Variants in CD96 observed in about 807,000 individuals in gnomAD.
The protein encoded by CD96 is CD96 molecule, also known as T-cell surface protein tactile.
CD96 carries 70 observed loss-of-function variants against 71.3 expected under a neutral mutation model. The ratio of observed to expected loss-of-function variants is 0.98; its 90% CI spans 0.81 to 1.20. The LOEUF is 1.20. CD96 is among the 50% of genes most tolerant of loss of function. The probability of loss-of-function intolerance (pLI) is 0.00; values close to 1 mark genes in which losing one functional copy is unlikely to be tolerated. For missense variants in CD96, 742 were observed against 677.5 expected (o/e 1.10, Z -1.06); for synonymous variants, 248 against 233.0 (o/e 1.06, Z -0.59).
chr3:111,557,272 T>C, intron 2 of CD96, among the ~76,000 whole-genome samples: 2 of 117,496 alleles, frequency 1.7e-5, no homozygotes, highest in South Asian at 2.6e-4. Flanking sequence ...AGACATGAAG[T>C]CCTTGCCCAT....
intron 14 of CD96, among the ~76,000 whole-genome samples, chr3:111,662,119 G>C (rs1940373477): frequency 6.6e-6 from 1 of 152,202 alleles, no homozygotes. Flanking sequence ...CCAAGGCTTG[G>C]GCTTGCACCC....
chr3:111,563,193 C>T (rs897298917), intron 2 of CD96, among the ~76,000 whole-genome samples: 6 of 152,218 alleles, frequency 3.9e-5, no homozygotes, highest in Non-Finnish European at 5.9e-5. Context: ...GACACAATGG[C>T]AACCAAATTT....
intron 10 of CD96, chr3:111,633,548 G>A (rs998208719): frequency 6.6e-6 from 1 of 152,232 alleles, no homozygotes; most frequent in African/African-American, 2.4e-5. Flanking sequence ...ATCTGTGTCT[G>A]TGATACAGAT....
At chr3:111,596,960 G>A (rs1450864233) in intron 5 of CD96, among the ~76,000 whole-genome samples, 1 of 152,196 alleles carries the variant, frequency 6.6e-6, no homozygotes, top group African/African-American at 2.4e-5. Flanking sequence ...CTGTAGCAAT[G>A]TACTGAGAAA....
intron 8 of CD96, among the ~76,000 whole-genome samples, chr3:111,607,718 G>C (rs888662020): frequency 6.6e-6 from 1 of 152,192 alleles, no homozygotes; most frequent in Non-Finnish European, 1.5e-5. Flanking sequence ...CGCTGTCACA[G>C]GTTGATACTT....
intron 6 of CD96, among the ~76,000 whole-genome samples, chr3:111,599,501 C>T (rs938710740): frequency 2.6e-5 from 4 of 152,056 alleles, no homozygotes; most frequent in Non-Finnish European, 4.4e-5. Context: ...GTGTGGATTA[C>T]CTGAGGTTAG....
At chr3:111,617,206 G>A (rs373124730) in intron 8 of CD96, among the ~76,000 whole-genome samples, 1 of 152,244 alleles carries the variant, frequency 6.6e-6, no homozygotes, top group Non-Finnish European at 1.5e-5. Flanking sequence ...GCTATGGAAG[G>A]CATGATGACA....
At chr3:111,622,692 T>C (rs879376320) in intron 8 of CD96, among the ~76,000 whole-genome samples, 2 of 152,230 alleles carry the variant, frequency 1.3e-5, no homozygotes, top group Non-Finnish European at 2.9e-5. Context: ...CATACTGTAA[T>C]GATATTTTAT....
At chr3:111,544,275 G>T (rs1934267279) in intron 1 of CD96, among the ~76,000 whole-genome samples, 1 of 152,124 alleles carries the variant, frequency 6.6e-6, no homozygotes, top group Non-Finnish European at 1.5e-5. Context: ...CTCCCAAGTA[G>T]CTGGGACTAC....
At chr3:111,584,498 A>G (rs961762269) in intron 4 of CD96, among the ~76,000 whole-genome samples, 3 of 152,214 alleles carry the variant, frequency 2.0e-5, no homozygotes, top group Non-Finnish European at 4.4e-5. Context: ...CACACTGCTG[A>G]TAAAGACATA....
chr3:111,656,797 A>G (rs1940240639), downstream of CD96, among the ~76,000 whole-genome samples: 1 of 152,176 alleles, frequency 6.6e-6, no homozygotes, highest in South Asian at 2.1e-4. Context: ...AGAAAGAAGG[A>G]AAAATTAAAA....
chr3:111,593,626 C>T, intron 5 of CD96: 2 of 1,594,920 alleles, frequency 1.3e-6, no homozygotes, highest in South Asian at 2.3e-5. Flanking sequence ...TCACCTTCCA[C>T]TTCATCTCCA....
intron 14 of CD96, among the ~76,000 whole-genome samples, chr3:111,658,520 T>C (rs1012531336): frequency 6.6e-6 from 1 of 152,234 alleles, no homozygotes; most frequent in African/African-American, 2.4e-5. Flanking sequence ...TGAGGAAATT[T>C]TGATGAAGAT....
chr3:111,578,156 G>C (rs565973485), intron 3 of CD96, among the ~76,000 whole-genome samples: 1 of 152,092 alleles, frequency 6.6e-6, no homozygotes, highest in African/African-American at 2.4e-5. Context: ...CCTTGTGCCC[G>C]TCAAGAATCC....
chr3:111,606,308 A>C (rs1937622968), intron 7 of CD96, among the ~76,000 whole-genome samples: 1 of 152,220 alleles, frequency 6.6e-6, no homozygotes, highest in Non-Finnish European at 1.5e-5. Flanking sequence ...TGTAAACTGC[A>C]TGATTACTTT....
chr3:111,593,650 C>T (rs1314375338), intron 5 of CD96: 1 of 1,606,210 alleles, frequency 6.2e-7, no homozygotes, highest in South Asian at 1.1e-5. Context: ...TGGCCCTTTC[C>T]ACCTCCTCCA....
chr3:111,552,134 TA>T (rs1934743828), intron 2 of CD96, among the ~76,000 whole-genome samples: 1 of 152,202 alleles, frequency 6.6e-6, no homozygotes, highest in Non-Finnish European at 1.5e-5. Context: ...GCCCACTTTT[TA>T]ATGAGTTTGT....
chr3:111,613,673 A>G (rs936447070), intron 8 of CD96, among the ~76,000 whole-genome samples: 1 of 152,246 alleles, frequency 6.6e-6, no homozygotes, highest in Non-Finnish European at 1.5e-5. Context: ...GCAATTACAC[A>G]TTTGTCCAGA....
intron 5 of CD96, among the ~76,000 whole-genome samples, chr3:111,591,530 G>T (rs1248537899): frequency 6.6e-6 from 1 of 152,072 alleles, no homozygotes; most frequent in East Asian, 1.9e-4. Context: ...AGCTTCCTAA[G>T]CCCCACTCCA....
Sources: allele counts gnomAD v4.1 joint callset (sites outside exome capture counted in the v4.1 genomes callset), GRCh38; gene constraint gnomAD v4.1.1; transcripts MANE v1.5; gene names NCBI Gene and HGNC (gene_info 2026-07-23, HGNC 2026-07-21).